TMEM132D: variants seen among roughly 807,000 people sequenced by gnomAD.
The protein encoded by TMEM132D is mature OL transmembrane protein.
In TMEM132D, 21 loss-of-function variants were observed where a neutral mutation model predicts 62.3. The observed-to-expected ratio is 0.34, with a 90% CI of 0.24 to 0.49. TMEM132D has a LOEUF of 0.49. Ranked by LOEUF, TMEM132D falls within the 20% of genes least tolerant of loss-of-function variation. TMEM132D has a pLI of 0.99. For synonymous variants in TMEM132D, 621 were observed against 575.6 expected (o/e 1.08, Z -1.13); for missense variants, 1,346 against 1,402.8 (o/e 0.96, Z 0.65).
intron 3 of TMEM132D, among the ~76,000 whole-genome samples, chr12:129,502,042 C>A (rs1194882079): frequency 6.6e-6 from 1 of 151,834 alleles, no homozygotes; most frequent in Non-Finnish European, 1.5e-5. Flanking sequence ...GCTCTGTCGT[C>A]CAGGTGGAGT....
chr12:129,609,579 G>A (rs1878716127), intron 2 of TMEM132D, among the ~76,000 whole-genome samples: 2 of 152,128 alleles, frequency 1.3e-5, no homozygotes, highest in Admixed American at 6.5e-5. Flanking sequence ...CAGGGAAAGG[G>A]CTGGTGCTCT....
intron 3 of TMEM132D, among the ~76,000 whole-genome samples, chr12:129,435,292 A>T (rs796886250): frequency 1.2e-4 from 19 of 152,244 alleles, no homozygotes; most frequent in African/African-American, 4.6e-4. Flanking sequence ...AGTGCAGATA[A>T]TCCTTTCAAC....
rs1302720183 is a variant in TMEM132D, at chr12:129,078,678, A to G, written c.1971T>C (p.Thr657=). The G allele has an allele frequency of 1.2e-6, 2 of 1,614,190 alleles. No homozygotes were observed. Among genetic ancestry groups the G allele is most frequent in the Non-Finnish European group, 1.7e-6 (2 of 1,180,028 alleles). ...TGATGGTCACCTTCTCGTCCAGCACAGTGATGGTCTTTTCAGCGAGGATGG... is the reference window on the plus strand; with the variant it reads ...TGATGGTCACCTTCTCGTCCAGCACGGTGATGGTCTTTTCAGCGAGGATGG... ...SDTILAEKTI[T]VLDEKVTITD... The change falls in exon 8 of 9, where the codon ACT becomes ACC. Residue 657 remains threonine (T), a synonymous_variant. Coordinates refer to ENST00000422113, the MANE Select transcript of TMEM132D (RefSeq NM_133448.3).
At chr12:129,130,293 A>G (rs551034859) in intron 5 of TMEM132D, among the ~76,000 whole-genome samples, 1 of 150,414 alleles carries the variant, frequency 6.6e-6, no homozygotes, top group South Asian at 2.1e-4. Flanking sequence ...GGAGATAGAG[A>G]GGTTCAGCCT....
At chr12:129,362,934 T>G (rs1870292836) in intron 3 of TMEM132D, among the ~76,000 whole-genome samples, 1 of 152,232 alleles carries the variant, frequency 6.6e-6, no homozygotes, top group African/African-American at 2.4e-5. Context: ...CTAACTTTAA[T>G]TGACAATTGC....
chr12:129,625,782 A>AT (rs879481478), intron 2 of TMEM132D, among the ~76,000 whole-genome samples: 18 of 152,168 alleles, frequency 1.2e-4, no homozygotes, highest in Non-Finnish European at 1.9e-4. Flanking sequence ...TACTTGTAGG[A>AT]TTTTTTTAAA....
chr12:129,650,090 G>T (rs1049407904), intron 2 of TMEM132D, among the ~76,000 whole-genome samples: 1 of 152,030 alleles, frequency 6.6e-6, no homozygotes, highest in Non-Finnish European at 1.5e-5. Context: ...CCGCTCTAAG[G>T]TATTTTCTAT....
chr12:129,894,805 C>T (rs190891069), intron 1 of TMEM132D, among the ~76,000 whole-genome samples: 27 of 152,018 alleles, frequency 1.8e-4, no homozygotes, highest in Admixed American at 1.2e-3. Flanking sequence ...TATTTTCATA[C>T]GAATCTCCAA....
chr12:129,285,539 A>AAG lies in TMEM132D; in HGVS notation c.1299+52093_1299+52094dup, dbSNP rs796604631. The stretch of plus-strand genomic sequence containing the variant: ...GAGACTGTGTCTCAAAAAAAAAAAA[A>AAG]AGAGAGAGAGAGAGAGGCTCCCATT... On this transcript the variant is annotated intron_variant, in intron 4 of 8. Transcript: ENST00000422113. Among the ~76,000 whole-genome samples the AAG allele has an allele frequency of 4.4e-3, 394 of 89,814 alleles. 10 individuals are homozygous for AAG. Among genetic ancestry groups the AAG allele is most frequent in the Middle Eastern group, 0.036 (4 of 110 alleles). The allele number at this position is 89,814 out of a possible 152,430, so 58.9% of individuals were successfully genotyped here. A position where few individuals can be genotyped will look rare whatever the true frequency, so the allele number is the denominator to read the frequency against.
chr12:129,510,788 A>C (rs1043572451), intron 3 of TMEM132D, among the ~76,000 whole-genome samples: 2 of 152,256 alleles, frequency 1.3e-5, no homozygotes, highest in East Asian at 1.9e-4. Flanking sequence ...CTTTCAGCAC[A>C]ATCTACTGAA....
At chr12:129,282,783 A>G (rs1881191611) in intron 4 of TMEM132D, among the ~76,000 whole-genome samples, 1 of 152,192 alleles carries the variant, frequency 6.6e-6, no homozygotes, top group Admixed American at 6.5e-5. Context: ...CGTGCTTCAG[A>G]TCATGATAAT....
chr12:129,551,932 A>T (rs995485347), intron 2 of TMEM132D, among the ~76,000 whole-genome samples: 1 of 152,216 alleles, frequency 6.6e-6, no homozygotes, highest in African/African-American at 2.4e-5. Flanking sequence ...GGGATATATC[A>T]CTGGGAATAT....
Position 129,519,678 on chromosome 12 carries a change from G to A in TMEM132D, c.1115+11381C>T, listed in dbSNP as rs991616591. On this transcript the variant is annotated intron_variant, in intron 3 of 8. Transcript: ENST00000422113. Reference sequence around the variant, plus strand: ...GGCTGGAGTCCAGTGGTGCAATCTCGGCTCACTGCAACCTCCGCCTCCTGG... The same window carrying A: ...GGCTGGAGTCCAGTGGTGCAATCTCAGCTCACTGCAACCTCCGCCTCCTGG... 3.6e-4 allele frequency among the ~76,000 whole-genome samples: 55 copies of A among 150,960 alleles called. 1 individual carries two copies. The highest frequency in any genetic ancestry group is 1.2e-3 in the African/African-American group (48 of 41,068).
chr12:129,518,385 T>C (rs1052891793), intron 3 of TMEM132D, among the ~76,000 whole-genome samples: 1 of 152,138 alleles, frequency 6.6e-6, no homozygotes, highest in African/African-American at 2.4e-5. Flanking sequence ...GCCTAGCACA[T>C]GGTAGGTTCT....
In TMEM132D at chr12:129,743,939, T is replaced by C. The variant is rs1025643833; in HGVS notation, c.80-43241A>G. On this transcript the variant is annotated intron_variant, in intron 1 of 8. Coordinates refer to ENST00000422113, the MANE Select transcript of TMEM132D (RefSeq NM_133448.3). ...ATACTTCCACTTTAGCTCAGTGAGA[T>C]GTCAGAGACAAAAAAGCGTGTGCTG... Among the ~76,000 whole-genome samples, 28 of 152,156 alleles carry C rather than the reference T, an allele frequency of 1.8e-4. 1 individual carries two copies. The highest frequency in any genetic ancestry group is 6.5e-5 in the Admixed American group (1 of 15,286).
intron 3 of TMEM132D, among the ~76,000 whole-genome samples, chr12:129,405,620 C>T (rs962723842): frequency 6.6e-6 from 1 of 152,120 alleles, no homozygotes; most frequent in African/African-American, 2.4e-5. Flanking sequence ...TGATGAATAG[C>T]AGACTTGGGG....
chr12:129,101,733 G>C (rs914024384), intron 5 of TMEM132D, among the ~76,000 whole-genome samples: 4 of 152,016 alleles, frequency 2.6e-5, no homozygotes, highest in African/African-American at 7.3e-5. Flanking sequence ...TTTCTACCTA[G>C]GCTGTGACAG....
At chr12:129,178,343 C>T (rs971783240) in intron 5 of TMEM132D, among the ~76,000 whole-genome samples, 12 of 152,102 alleles carry the variant, frequency 7.9e-5, no homozygotes, top group African/African-American at 2.9e-4. Flanking sequence ...TGAGGAATCA[C>T]CGCACTGTCT....
At chr12:129,880,966 G>A (rs150074812) in intron 1 of TMEM132D, among the ~76,000 whole-genome samples, 3 of 152,094 alleles carry the variant, frequency 2.0e-5, no homozygotes, top group African/African-American at 2.4e-5. Flanking sequence ...CCATTTACAC[G>A]CTGTCTACGG....
Sources: allele counts gnomAD v4.1 joint callset (sites outside exome capture counted in the v4.1 genomes callset), GRCh38; gene constraint gnomAD v4.1.1; transcripts MANE v1.5; gene names NCBI Gene and HGNC (gene_info 2026-07-23, HGNC 2026-07-21).